The following TMEM117 variants were observed in gnomAD, a reference collection of about 807,000 sequenced individuals.
The protein encoded by TMEM117 is transmembrane protein 117.
Under a neutral mutation model 52.4 loss-of-function variants are expected in TMEM117, and 27 were observed. That is an observed-to-expected ratio of 0.51 (90% CI 0.38 to 0.71). The LOEUF is 0.71. TMEM117 is among the 30% of genes least tolerant of loss of function. The probability of loss-of-function intolerance (pLI) is 0.00; values close to 1 mark genes in which losing one functional copy is unlikely to be tolerated. For synonymous variants in TMEM117, 215 were observed against 206.3 expected, an observed-to-expected ratio of 1.04 and a Z score of -0.36; for missense variants, 556 against 630.5, an observed-to-expected ratio of 0.88 and a Z score of 1.26.
chr12:43,820,189 T>C, the TMEM117 span, among the ~76,000 whole-genome samples: 3 of 152,132 alleles, frequency 2.0e-5, no homozygotes, highest in African/African-American at 7.2e-5. Flanking sequence ...CCTCCGCCTC[T>C]CCGGTTCAAG....
intron 5 of TMEM117, among the ~76,000 whole-genome samples, chr12:44,260,451 C>A (rs905906162): frequency 3.9e-5 from 6 of 152,018 alleles, no homozygotes; most frequent in African/African-American, 1.2e-4. Flanking sequence ...TTCATACTTA[C>A]AAAGAAAAAG....
chr12:43,845,964 A>G (rs1041180247), intron 2 of TMEM117, among the ~76,000 whole-genome samples: 1 of 152,196 alleles, frequency 6.6e-6, no homozygotes, highest in Non-Finnish European at 1.5e-5. Flanking sequence ...TTTTCCCCTC[A>G]TAAATAGTAC....
At chr12:44,061,305 G>A (rs1014131421) in intron 3 of TMEM117, among the ~76,000 whole-genome samples, 3 of 152,146 alleles carry the variant, frequency 2.0e-5, no homozygotes, top group Admixed American at 6.6e-5. Context: ...TGCAACTCAC[G>A]AGAATTTCTT....
chr12:43,895,153 A>G (rs982900160), intron 2 of TMEM117, among the ~76,000 whole-genome samples: 3 of 151,296 alleles, frequency 2.0e-5, no homozygotes, highest in Non-Finnish European at 4.4e-5. Context: ...CCCACTCTCC[A>G]CTCTCCAAAA....
In TMEM117 at chr12:44,191,345, GTCTA is replaced by G. The variant is rs752098603; in HGVS notation, c.511-19933_511-19930del. Among the ~76,000 whole-genome samples the G allele has an allele frequency of 1.7e-4, 26 of 151,882 alleles. No homozygotes were observed. In the South Asian group the frequency reaches 2.7e-3, roughly 16 times the overall value. On this transcript the variant is annotated intron_variant, in intron 4 of 7. Transcript: ENST00000266534. ...TTGGGTAGGGTCACAGCCAAACCAT[GTCTA>G]TCTATCTATCTGTCTGTCTGTCTGT...
chr12:44,394,990 A>G, the TMEM117 span, among the ~76,000 whole-genome samples: 1 of 152,220 alleles, frequency 6.6e-6, no homozygotes, highest in Non-Finnish European at 1.5e-5. Flanking sequence ...TTTGCTTTGA[A>G]TACATCATTT....
At chr12:44,097,035 T>C (rs1015716765) in intron 3 of TMEM117, among the ~76,000 whole-genome samples, 109 of 151,586 alleles carry the variant, frequency 7.2e-4, no homozygotes, top group Admixed American at 3.5e-3. Flanking sequence ...ACAAACAACC[T>C]CATCAAAAAG....
chr12:44,360,537 A>G (rs1445596452), intron 6 of TMEM117, among the ~76,000 whole-genome samples: 1 of 151,782 alleles, frequency 6.6e-6, no homozygotes, highest in African/African-American at 2.4e-5. Flanking sequence ...ACTGCACTCC[A>G]GCCTGGGTGA....
intron 3 of TMEM117, among the ~76,000 whole-genome samples, chr12:44,115,776 A>G (rs1311054355): frequency 6.6e-6 from 1 of 152,180 alleles, no homozygotes. Flanking sequence ...TATGTGTACT[A>G]TGCCTGGGCT....
chr12:43,964,825 G>A (rs926718613), intron 3 of TMEM117, among the ~76,000 whole-genome samples: 4 of 152,080 alleles, frequency 2.6e-5, no homozygotes, highest in Non-Finnish European at 5.9e-5. Flanking sequence ...TGCCATTTTG[G>A]TTCTAAATAC....
chr12:44,362,304 C>T (rs1156601640), intron 6 of TMEM117, among the ~76,000 whole-genome samples: 1 of 152,128 alleles, frequency 6.6e-6, no homozygotes, highest in Admixed American at 6.6e-5. Context: ...GAGGCTCTTA[C>T]CTCATAGAGG....
At chr12:43,811,120 T>G in the TMEM117 span, among the ~76,000 whole-genome samples, 1 of 152,250 alleles carries the variant, frequency 6.6e-6, no homozygotes, top group African/African-American at 2.4e-5. Flanking sequence ...GGCAAGGTGC[T>G]TAGCTAAAAG....
chr12:44,224,015 C>T (rs1475718396), intron 5 of TMEM117, among the ~76,000 whole-genome samples: 1 of 152,120 alleles, frequency 6.6e-6, no homozygotes, highest in Non-Finnish European at 1.5e-5. Context: ...ACTGTACTCT[C>T]CTTTTTTGGT....
At chr12:44,031,668 C>T (rs1381453987) in intron 3 of TMEM117, among the ~76,000 whole-genome samples, 2 of 152,206 alleles carry the variant, frequency 1.3e-5, no homozygotes, top group Non-Finnish European at 2.9e-5. Context: ...GAGCTATTTA[C>T]AGCTTGTAGC....
intron 4 of TMEM117, among the ~76,000 whole-genome samples, chr12:44,171,368 A>G (rs1036625063): frequency 1.3e-5 from 2 of 152,110 alleles, no homozygotes; most frequent in Middle Eastern, 3.2e-3. Context: ...CAAATATCCT[A>G]TTTCTCCTCA....
chr12:44,095,059 G>A (rs955205740), intron 3 of TMEM117, among the ~76,000 whole-genome samples: 5 of 152,000 alleles, frequency 3.3e-5, no homozygotes, highest in African/African-American at 7.2e-5. Flanking sequence ...CAAAAAAATC[G>A]TCTGAGCATT....
At chr12:44,319,612 G>A (rs191154061) in intron 6 of TMEM117, among the ~76,000 whole-genome samples, 1 of 152,286 alleles carries the variant, frequency 6.6e-6, no homozygotes, top group East Asian at 1.9e-4. Context: ...AAGTGGCTAA[G>A]ACACACTGCA....
chr12:43,967,113 TGC>T (rs1945497996), intron 3 of TMEM117, among the ~76,000 whole-genome samples: 1 of 143,304 alleles, frequency 7.0e-6, no homozygotes, highest in African/African-American at 2.6e-5. Context: ...ATAAAAGCAA[TGC>T]CATGTTACTT....
intron 4 of TMEM117, among the ~76,000 whole-genome samples, chr12:44,206,575 G>A (rs1409219086): frequency 6.6e-6 from 1 of 152,146 alleles, no homozygotes; most frequent in Non-Finnish European, 1.5e-5. Context: ...ATGCCTATCA[G>A]TGGTGGACTG....
Sources: allele counts gnomAD v4.1 joint callset (sites outside exome capture counted in the v4.1 genomes callset), GRCh38; gene constraint gnomAD v4.1.1; transcripts MANE v1.5; gene names NCBI Gene and HGNC (gene_info 2026-07-23, HGNC 2026-07-21).